The following CHLSN variants were observed in gnomAD, a reference collection of about 807,000 sequenced individuals.
The protein encoded by CHLSN is protein cholesin.
the CHLSN span, among the ~76,000 whole-genome samples, chr7:1,073,155 G>C: frequency 6.6e-6 from 1 of 152,174 alleles, no homozygotes; most frequent in Non-Finnish European, 1.5e-5. Context: ...ACTGGCAGCA[G>C]GAGAGGAAGG....
the CHLSN span, among the ~76,000 whole-genome samples, chr7:1,000,978 CACA>C: frequency 3.3e-5 from 5 of 152,192 alleles, no homozygotes; most frequent in Admixed American, 6.5e-5. Flanking sequence ...CCCAGGCCCT[CACA>C]ACAAGGGGCC....
chr7:1,101,950 C>G, the CHLSN span, among the ~76,000 whole-genome samples: 1 of 152,246 alleles, frequency 6.6e-6, no homozygotes, highest in Non-Finnish European at 1.5e-5. Flanking sequence ...GCCAGGCCAG[C>G]CGAGCCAGGA....
chr7:1,128,668 C>G, the CHLSN span, among the ~76,000 whole-genome samples: 1 of 23,268 alleles, frequency 4.3e-5, no homozygotes, highest in Admixed American at 3.6e-4. Context: ...TGCAGTGGCA[C>G]AATCTCGGCT....
At chr7:1,022,336 C>T in the CHLSN span, among the ~76,000 whole-genome samples, 1 of 152,220 alleles carries the variant, frequency 6.6e-6, no homozygotes, top group Non-Finnish European at 1.5e-5. Context: ...GAGCCTGGTC[C>T]CACGTCCCAC....
chr7:1,026,312 A>C, the CHLSN span: 3 of 152,142 alleles, frequency 2.0e-5, no homozygotes, highest in African/African-American at 4.8e-5. Flanking sequence ...GAGCCCTCGC[A>C]GAGCCAGCGC....
the CHLSN span, among the ~76,000 whole-genome samples, chr7:1,134,371 C>G: frequency 4.7e-5 from 7 of 150,170 alleles, no homozygotes; most frequent in South Asian, 6.3e-4. Flanking sequence ...GTCAGGAGTT[C>G]GAGACTAGGC....
At chr7:998,162 C>G in the CHLSN span, among the ~76,000 whole-genome samples, 57 of 152,308 alleles carry the variant, frequency 3.7e-4, no homozygotes, top group African/African-American at 1.2e-3. Flanking sequence ...CGCGCCGGCA[C>G]TTGGCACGCT....
the CHLSN span, chr7:987,150 C>G: frequency 3.2e-6 from 5 of 1,578,142 alleles, no homozygotes; most frequent in Admixed American, 8.9e-5. Context: ...AACGCGGTGG[C>G]CTGCACCCTG....
the CHLSN span, among the ~76,000 whole-genome samples, chr7:1,044,841 T>G: frequency 6.6e-6 from 1 of 152,070 alleles, no homozygotes; most frequent in South Asian, 2.1e-4. Context: ...ACCGCTGTCC[T>G]CCGGCCGCGC....
the CHLSN span, chr7:986,533 G>T: frequency 6.8e-7 from 1 of 1,477,288 alleles, no homozygotes; most frequent in Non-Finnish European, 9.3e-7. Flanking sequence ...GTCCCTGGGC[G>T]TGAACACAGC....
the CHLSN span, chr7:988,691 GC>G: frequency 6.3e-7 from 1 of 1,599,946 alleles, no homozygotes; most frequent in Non-Finnish European, 8.5e-7. Context: ...CCTGCTGTTT[GC>G]CGGCCTCCTG....
the CHLSN span, among the ~76,000 whole-genome samples, chr7:1,082,675 T>C: frequency 6.6e-6 from 1 of 152,112 alleles, no homozygotes; most frequent in Non-Finnish European, 1.5e-5. Flanking sequence ...TCACAGCCCC[T>C]GGGGGGCAGG....
chr7:1,005,953 G>A, the CHLSN span, among the ~76,000 whole-genome samples: 2 of 152,346 alleles, frequency 1.3e-5, no homozygotes, highest in South Asian at 2.1e-4. Context: ...CGGTCACCTC[G>A]CCACCTGCCC....
the CHLSN span, among the ~76,000 whole-genome samples, chr7:1,016,133 ACGC>A: frequency 7.7e-5 from 8 of 103,734 alleles, no homozygotes; most frequent in Non-Finnish European, 1.1e-4. Context: ...ACAGCAGCAC[ACGC>A]CAGCACACAG....
the CHLSN span, among the ~76,000 whole-genome samples, chr7:999,458 T>C: frequency 2.0e-5 from 3 of 147,284 alleles, no homozygotes; most frequent in East Asian, 5.8e-4. Context: ...GCTTGCAATG[T>C]GTATGTCCTC....
At chr7:1,029,995 T>C in the CHLSN span, among the ~76,000 whole-genome samples, 2 of 152,206 alleles carry the variant, frequency 1.3e-5, no homozygotes, top group African/African-American at 4.8e-5. Flanking sequence ...GCTTCCGATT[T>C]AGTGTCTCTG....
the CHLSN span, among the ~76,000 whole-genome samples, chr7:1,136,483 CATATATAAACATATAAAT>C: frequency 9.2e-6 from 1 of 109,206 alleles, no homozygotes; most frequent in Non-Finnish European, 1.7e-5. Flanking sequence ...AATATATAAA[CATATATAAACATATAAAT>C]ATATATAAAC....
chr7:1,090,704 G>A, the CHLSN span, among the ~76,000 whole-genome samples: 1 of 152,262 alleles, frequency 6.6e-6, no homozygotes, highest in East Asian at 1.9e-4. Flanking sequence ...CTCTGCAGAG[G>A]ATAAGCTCGG....
At chr7:1,035,148 T>C in the CHLSN span, among the ~76,000 whole-genome samples, 1 of 152,216 alleles carries the variant, frequency 6.6e-6, no homozygotes, top group Non-Finnish European at 1.5e-5. Flanking sequence ...GTCATGTCTT[T>C]GTGACTGTGA....
Sources: gnomAD v4.1 joint callset for allele counts (sites outside exome capture counted in the v4.1 genomes callset) on GRCh38, gnomAD v4.1.1 for gene constraint, MANE v1.5 for transcripts, NCBI Gene and HGNC (gene_info 2026-07-23, HGNC 2026-07-21) for gene names.